Variants in SPOCK3 observed in about 807,000 individuals in gnomAD.
The protein encoded by SPOCK3 is testican-3.
Under a neutral mutation model 56.6 loss-of-function variants are expected in SPOCK3, and 30 were observed. That is an observed-to-expected ratio of 0.53 (90% CI 0.40 to 0.72). SPOCK3 has a LOEUF of 0.72. SPOCK3 is among the 30% of genes least tolerant of loss of function. The pLI is 0.00. For missense variants in SPOCK3, 527 were observed against 530.0 expected (o/e 0.99, Z 0.06); for synonymous variants, 196 against 183.3 (o/e 1.07, Z -0.56).
intron 6 of SPOCK3, among the ~76,000 whole-genome samples, chr4:166,841,168 A>G (rs1747256958): frequency 6.6e-6 from 1 of 152,106 alleles, no homozygotes; most frequent in African/African-American, 2.4e-5. Context: ...TACCTCTTCA[A>G]TTATTGGAGA....
At chr4:166,841,541 G>A (rs958558411) in intron 6 of SPOCK3, among the ~76,000 whole-genome samples, 1 of 152,060 alleles carries the variant, frequency 6.6e-6, no homozygotes, top group African/African-American at 2.4e-5. Context: ...TAGTTTTCTT[G>A]TACTTTCTAG....
intron 2 of SPOCK3, among the ~76,000 whole-genome samples, chr4:167,097,837 A>G (rs1271106530): frequency 6.6e-6 from 1 of 152,082 alleles, no homozygotes; most frequent in Non-Finnish European, 1.5e-5. Flanking sequence ...AATGTGATAC[A>G]TATACACTAT....
chr4:167,103,792 G>T (rs1289171832), intron 2 of SPOCK3, among the ~76,000 whole-genome samples: 1 of 152,162 alleles, frequency 6.6e-6, no homozygotes, highest in Non-Finnish European at 1.5e-5. Context: ...GTGAGACTCA[G>T]TGCTGTGCTA....
chr4:166,753,988 A>C (rs1736741398), intron 8 of SPOCK3: 2 of 591,160 alleles, frequency 3.4e-6, no homozygotes, highest in Admixed American at 1.3e-4. Flanking sequence ...TTTTTCTGCT[A>C]GTGAATTTTA....
chr4:167,226,137 G>T (rs1736572735), intron 2 of SPOCK3, among the ~76,000 whole-genome samples: 1 of 152,114 alleles, frequency 6.6e-6, no homozygotes, highest in Admixed American at 6.5e-5. Context: ...AGCTCAAAAA[G>T]ATTTCACAGA....
At chr4:167,074,494 G>C (rs567445506) in intron 2 of SPOCK3, among the ~76,000 whole-genome samples, 1 of 151,996 alleles carries the variant, frequency 6.6e-6, no homozygotes, top group African/African-American at 2.4e-5. Context: ...CAAGTTCCTT[G>C]CCACATGGGC....
intron 6 of SPOCK3, among the ~76,000 whole-genome samples, chr4:166,857,236 G>A (rs557959206): frequency 2.6e-5 from 4 of 152,102 alleles, no homozygotes; most frequent in African/African-American, 4.8e-5. Context: ...TTCACTCAAC[G>A]GTCAACAAGA....
chr4:167,084,127 T>C (rs140936057), intron 2 of SPOCK3, among the ~76,000 whole-genome samples: 1,848 of 152,198 alleles, frequency 0.012, 21 homozygotes, highest in Non-Finnish European at 0.018. Context: ...CTAACATACA[T>C]GTACAAGAGC....
intron 3 of SPOCK3, among the ~76,000 whole-genome samples, chr4:167,024,400 G>A (rs1254296723): frequency 6.6e-6 from 1 of 151,778 alleles, no homozygotes; most frequent in African/African-American, 2.4e-5. Flanking sequence ...GTATAAAAGG[G>A]TCACAATTAA....
intron 3 of SPOCK3, among the ~76,000 whole-genome samples, chr4:167,025,903 G>A (rs1440621650): frequency 2.2e-4 from 34 of 152,124 alleles, no homozygotes; most frequent in Non-Finnish European, 1.2e-4. Flanking sequence ...AGGCTACATG[G>A]TGGAGCCTAT....
At chr4:167,014,802 G>T (rs1189235784) in intron 3 of SPOCK3, among the ~76,000 whole-genome samples, 1 of 151,968 alleles carries the variant, frequency 6.6e-6, no homozygotes, top group Non-Finnish European at 1.5e-5. Flanking sequence ...AATGGTCAGG[G>T]TGGGGCTGGG....
At chr4:167,141,585 CTGTG>C (rs976854221) in intron 2 of SPOCK3, among the ~76,000 whole-genome samples, 19 of 151,942 alleles carry the variant, frequency 1.3e-4, no homozygotes, top group African/African-American at 4.6e-4. Context: ...AATAGGTCTG[CTGTG>C]TGTGTGCTTG....
chr4:167,032,130 C>A (rs1189596303), intron 3 of SPOCK3, among the ~76,000 whole-genome samples: 1 of 151,828 alleles, frequency 6.6e-6, no homozygotes, highest in Non-Finnish European at 1.5e-5. Flanking sequence ...CCCAAGAAAT[C>A]AAAATAGCAA....
rs748340803 is a variant in SPOCK3 at position 166,761,895 on chromosome 4, TAAAAAAAAAAAAAA to T, written c.710-7180_710-7167del. ...ATGTACCCTAAAACTTAGAGTATAA[TAAAAAAAAAAAAAA>T]AAAAAAAAAAAAAGAGATTTGGGGG... On this transcript the variant is annotated intron_variant, in intron 7 of 10. Coordinates refer to ENST00000357545, the MANE Select transcript of SPOCK3 (RefSeq NM_001040159.2). Among the ~76,000 whole-genome samples, 2 of 103,384 alleles carry T rather than the reference TAAAAAAAAAAAAAA, an allele frequency of 1.9e-5. 1 individual carries two copies. Among genetic ancestry groups the T allele is most frequent in the African/African-American group, 7.2e-5 (2 of 27,876 alleles). 67.8% of individuals were successfully genotyped at this position (103,384 alleles called of 152,430 possible). A position where few individuals can be genotyped will look rare whatever the true frequency, so the allele number is the denominator to read the frequency against.
At chr4:166,842,054 G>A (rs1375496025) in intron 6 of SPOCK3, among the ~76,000 whole-genome samples, 6 of 152,114 alleles carry the variant, frequency 3.9e-5, no homozygotes, top group African/African-American at 9.7e-5. Flanking sequence ...AAGGCGTTGC[G>A]TCGGGAATTG....
chr4:166,935,465 T>A (rs1361034560), intron 4 of SPOCK3, among the ~76,000 whole-genome samples: 1 of 152,202 alleles, frequency 6.6e-6, no homozygotes, highest in Non-Finnish European at 1.5e-5. Flanking sequence ...AATAAAGTTC[T>A]AGTTTAACAA....
intron 4 of SPOCK3, among the ~76,000 whole-genome samples, chr4:166,937,857 G>A (rs979627906): frequency 5.4e-5 from 8 of 149,418 alleles, no homozygotes; most frequent in East Asian, 3.9e-4. Context: ...TCCGCCTCCC[G>A]GGTTCACGCC....
chr4:166,914,812 G>T (rs1737667339), intron 4 of SPOCK3, among the ~76,000 whole-genome samples: 1 of 152,098 alleles, frequency 6.6e-6, no homozygotes, highest in African/African-American at 2.4e-5. Flanking sequence ...TTGTGAAATT[G>T]AAATGAGCTC....
chr4:167,095,064 A>C (rs1474831663), intron 2 of SPOCK3, among the ~76,000 whole-genome samples: 1 of 152,122 alleles, frequency 6.6e-6, no homozygotes, highest in Non-Finnish European at 1.5e-5. Flanking sequence ...CTCAGCCTTT[A>C]ATTCTATTCA....
Sources: gnomAD v4.1 joint callset for allele counts (sites outside exome capture counted in the v4.1 genomes callset) on GRCh38, gnomAD v4.1.1 for gene constraint, MANE v1.5 for transcripts, NCBI Gene and HGNC (gene_info 2026-07-23, HGNC 2026-07-21) for gene names.